MGAM2: variants seen among roughly 807,000 people sequenced by gnomAD.
MGAM2 encodes maltase-glucoamylase 2 (putative).
A neutral mutation model predicts 96.1 loss-of-function variants in MGAM2; 98 were observed. That is an observed-to-expected ratio of 1.02 (90% CI 0.87 to 1.21). MGAM2 has a LOEUF of 1.21. Among genes scored for constraint, MGAM2 ranks in the 50% most tolerant of loss-of-function variants. The pLI is 0.00. For synonymous variants in MGAM2, 749 were observed against 414.8 expected, an observed-to-expected ratio of 1.81 and a Z score of -9.79; for missense variants, 2,055 against 1,182.4, an observed-to-expected ratio of 1.74 and a Z score of -10.82.
chr7:142,179,601 T>G (rs925960988), intron 32 of MGAM2, among the ~76,000 whole-genome samples: 29 of 152,252 alleles, frequency 1.9e-4, no homozygotes, highest in African/African-American at 6.3e-4. Flanking sequence ...TTTCTACATC[T>G]ATTGAAATTA....
intron 47 of MGAM2, among the ~76,000 whole-genome samples, 168 bp downstream of exon 47, chr7:142,218,699 T>G (rs1453455595): frequency 6.6e-6 from 1 of 152,182 alleles, no homozygotes; most frequent in Non-Finnish European, 1.5e-5. Flanking sequence ...AAATGTTGAA[T>G]CATATTGTAA....
intron 12 of MGAM2, among the ~76,000 whole-genome samples, chr7:142,142,248 T>C (rs1293546794): frequency 6.6e-6 from 1 of 152,194 alleles, no homozygotes; most frequent in African/African-American, 2.4e-5. Context: ...TACTGTTTCG[T>C]TAGAAGCTAG....
chr7:142,203,508 C>A (rs942734168), intron 45 of MGAM2, among the ~76,000 whole-genome samples: 14 of 152,030 alleles, frequency 9.2e-5, no homozygotes, highest in African/African-American at 2.7e-4. Context: ...TTCTAAAATT[C>A]CTATGGAACC....
intron 31 of MGAM2, among the ~76,000 whole-genome samples, chr7:142,175,073 T>C (rs533960334): frequency 2.6e-5 from 4 of 152,234 alleles, no homozygotes; most frequent in East Asian, 1.9e-4. Flanking sequence ...AATACTACAT[T>C]GAATAGGAGT....
chr7:142,203,391 A>G (rs1210525566), intron 45 of MGAM2, among the ~76,000 whole-genome samples: 1 of 152,168 alleles, frequency 6.6e-6, no homozygotes, highest in Non-Finnish European at 1.5e-5. Flanking sequence ...ATAAATGGAA[A>G]AAAACATTCC....
chr7:142,157,211 T>C (rs920582634), intron 17 of MGAM2, among the ~76,000 whole-genome samples: 1 of 144,636 alleles, frequency 6.9e-6, no homozygotes, highest in East Asian at 2.0e-4. Context: ...AGGCAATGGA[T>C]TTTTTTTTAG....
chr7:142,161,506 C>T (rs1463028735), intron 22 of MGAM2, among the ~76,000 whole-genome samples: 1 of 152,172 alleles, frequency 6.6e-6, no homozygotes. Flanking sequence ...ACAGATAATA[C>T]ACTTTTTAAT....
chr7:142,159,581 G>A (rs1795830407), intron 20 of MGAM2, among the ~76,000 whole-genome samples: 3 of 152,196 alleles, frequency 2.0e-5, no homozygotes, highest in Admixed American at 2.0e-4. Flanking sequence ...AGGCTGGCAA[G>A]TCCAAGATCA....
chr7:142,164,766 A>G (rs1795983441), intron 23 of MGAM2, 90 bp from the exon 24 acceptor site: 1 of 564,426 alleles, frequency 1.8e-6, no homozygotes, highest in Middle Eastern at 4.1e-4. Context: ...AACAGCTTGG[A>G]TCACAGAAAT....
chr7:142,149,771 G>A (rs1208362574), intron 15 of MGAM2, among the ~76,000 whole-genome samples: 1 of 151,938 alleles, frequency 6.6e-6, no homozygotes, highest in African/African-American at 2.4e-5. Context: ...TCCATCTCCT[G>A]ACCTCATGAT....
chr7:142,153,135 G>A (rs1795632979), intron 15 of MGAM2, among the ~76,000 whole-genome samples: 1 of 151,792 alleles, frequency 6.6e-6, no homozygotes, highest in African/African-American at 2.4e-5. Context: ...ATGAGTAGCT[G>A]GAGCTACAGG....
At chr7:142,193,566 C>T (rs1360691608) in intron 37 of MGAM2, among the ~76,000 whole-genome samples, 1 of 152,182 alleles carries the variant, frequency 6.6e-6, no homozygotes, top group Non-Finnish European at 1.5e-5. Context: ...CTCTGCTGAC[C>T]TTGAGGTTCA....
intron 8 of MGAM2, 145 bp downstream of exon 8, chr7:142,136,785 G>A: frequency 1.9e-6 from 1 of 538,054 alleles, no homozygotes; most frequent in Non-Finnish European, 3.3e-6. Flanking sequence ...GAACCTGAAA[G>A]TAGGTTAATC....
At position 142,200,568 on chromosome 7, in the gene MGAM2, A is replaced by G. The variant is rs1192427802; in HGVS notation, c.5137+600A>G. Among the ~76,000 whole-genome samples, 4 of 152,316 alleles carry G rather than the reference A, an allele frequency of 2.6e-5. No homozygotes were observed. The East Asian group carries it at 7.7e-4, about 29-fold the overall frequency. On this transcript the variant is annotated intron_variant, in intron 45 of 47. Transcript: ENST00000477922. ...AACACCCTCTAACTCAGAATTTTCT[A>G]TAGATATATGGACACACTGTTACTA...
At chr7:142,123,869 C>T (rs984746723) in intron 3 of MGAM2, among the ~76,000 whole-genome samples, 2 of 151,730 alleles carry the variant, frequency 1.3e-5, no homozygotes, top group Middle Eastern at 3.2e-3. Flanking sequence ...TACTATCTTT[C>T]CCTTAAAAGC....
At chr7:142,189,182 A>G (rs979357785) in intron 36 of MGAM2, among the ~76,000 whole-genome samples, 185 bp from the exon 37 acceptor site, 1 of 152,226 alleles carries the variant, frequency 6.6e-6, no homozygotes, top group Non-Finnish European at 1.5e-5. Flanking sequence ...TCCATATTTT[A>G]TCCTTACCCT....
Position 142,161,154 on chromosome 7 carries a change from C to T in MGAM2, c.2375C>T (p.Ala792Val), listed in dbSNP as rs1795877186. ...SRRNSLGLII[A>V]LDYKREAKGE... ...AGGAATTCCCTGGGACTCATCATCG[C>T]CTTGGACTATAAGAGAGAAGCAAAG... Residue 792 changes from alanine to valine, a missense_variant, in exon 22 of 48, where the codon GCC becomes GTC. Ala to Val is a moderately conservative substitution (Grantham distance 64). Transcript: ENST00000477922. 1 of 702,540 alleles carries T rather than the reference C, an allele frequency of 1.4e-6. No homozygotes were observed. Among genetic ancestry groups the T allele is most frequent in the Admixed American group, 2.0e-5 (1 of 49,986 alleles). The allele number at this position is 702,540 out of a possible 1,614,324, so 43.5% of individuals were successfully genotyped here.
intron 15 of MGAM2, among the ~76,000 whole-genome samples, chr7:142,152,365 C>T (rs564021382): frequency 6.6e-4 from 100 of 152,160 alleles, no homozygotes; most frequent in Non-Finnish European, 1.3e-3. Flanking sequence ...AGCAAAGTGT[C>T]GGCCAGTCTA....
At position 142,197,727 on chromosome 7, in the gene MGAM2, CTG is replaced by C. The variant is rs1354928368; in HGVS notation, c.4866+2_4866+3del. 9 of 702,994 alleles carry C rather than the reference CTG, an allele frequency of 1.3e-5. No individual in the cohort carries two copies. Among genetic ancestry groups the C allele is most frequent in the Non-Finnish European group, 1.8e-5 (7 of 384,992 alleles). The allele number at this position is 702,994 out of a possible 1,614,324, so 43.5% of individuals were successfully genotyped here. A position where few individuals can be genotyped will look rare whatever the true frequency, so the allele number is the denominator to read the frequency against. ...ATCTTAATCAGCCCTGTGTTGGAAA[CTG>C]TGAGTTCTTCATTGTAGGTCAGAAA... is the stretch of plus-strand genomic sequence containing the variant. On this transcript the variant is annotated splice_donor_variant and coding_sequence_variant, in exon 42 of 48. Transcript: ENST00000477922. LOFTEE classifies it high-confidence loss of function.
Sources: gnomAD v4.1 joint callset for allele counts (sites outside exome capture counted in the v4.1 genomes callset) on GRCh38, gnomAD v4.1.1 for gene constraint, MANE v1.5 for transcripts, NCBI Gene and HGNC (gene_info 2026-07-23, HGNC 2026-07-21) for gene names.